NUP88: variants seen among roughly 807,000 people sequenced by gnomAD.
NUP88 encodes the protein nucleoporin 88, also known as nuclear pore complex protein Nup88.
A neutral mutation model predicts 93.9 loss-of-function variants in NUP88; 57 were observed. The observed-to-expected ratio is 0.61, with a 90% CI of 0.49 to 0.76. The LOEUF (loss-of-function observed/expected upper bound fraction) is 0.76, where lower values mean the gene tolerates loss of function less well. Ranked by LOEUF, NUP88 falls within the 30% of genes least tolerant of loss-of-function variation. The probability of loss-of-function intolerance (pLI) is 0.00; values close to 1 mark genes in which losing one functional copy is unlikely to be tolerated. For synonymous variants in NUP88, 346 were observed against 336.8 expected (o/e 1.03, Z -0.30); for missense variants, 911 against 901.0 (o/e 1.01, Z -0.14).
rs557103467 is a variant in NUP88, at chr17:5,388,822, A to G, written c.1623T>C (p.Val541=). The G allele has an allele frequency of 6.2e-7, 1 of 1,613,854 alleles. No individual in the cohort carries two copies. The highest frequency in any genetic ancestry group is 8.5e-7 in the Non-Finnish European group (1 of 1,179,932). The change falls in exon 11 of 17, where the codon GTT becomes GTC. Residue 541 remains valine, a synonymous_variant. Transcript: ENST00000573584. ...KHIRSILQRS[V]ANPAFLKASE... is the part of the protein sequence containing the mutation. ...CATACTTCAAAAATGCTGGATTGGC[A>G]ACACTACGTTGCAAAATGCTTCTAA...
intron 10 of NUP88, 95 bp from the exon 11 acceptor site, chr17:5,389,055 T>C (rs1912242218): frequency 3.3e-6 from 3 of 922,026 alleles, no homozygotes; most frequent in African/African-American, 3.4e-5. Context: ...TTTCAGAATA[T>C]AAAATAAAGT....
At position 5,387,903 on chromosome 17, in the gene NUP88, C is replaced by T; in HGVS notation, c.1645G>A (p.Ala549Thr). 6.2e-7 allele frequency: 1 copy of T among 1,611,670 alleles called. No homozygotes were observed. The highest frequency in any genetic ancestry group is 8.5e-7 in the Non-Finnish European group (1 of 1,179,086). ...GGAGGGGCTATGTCCTTTTCAGAAG[C>T]TCTTAAAAACAAAGTTTCTACCTTT... ...RSVANPAFLK[A>T]SEKDIAPPPE... Residue 549 changes from alanine (A) to threonine (T), a missense_variant and splice_region_variant, in exon 12 of 17, where the codon GCT (alanine) becomes ACT (threonine). Ala to Thr is a moderately conservative substitution (Grantham distance 58). Coordinates refer to ENST00000573584, the MANE Select transcript of NUP88 (RefSeq NM_002532.6).
At chr17:5,418,891 G>C (rs1914384071) in intron 1 of NUP88, among the ~76,000 whole-genome samples, 1 of 152,122 alleles carries the variant, frequency 6.6e-6, no homozygotes, top group Non-Finnish European at 1.5e-5. Context: ...TTTCTAAAGC[G>C]GGCGTTACGG....
chr17:5,387,195 T>G (rs1250654126), intron 14 of NUP88, 85 bp from the exon 15 acceptor site: 7 of 1,497,364 alleles, frequency 4.7e-6, no homozygotes, highest in Non-Finnish European at 6.4e-6. Context: ...TTCATGAATC[T>G]GGTGTTTCTG....
chr17:5,398,440 C>A (rs1344638909), intron 8 of NUP88, among the ~76,000 whole-genome samples: 2 of 151,978 alleles, frequency 1.3e-5, no homozygotes, highest in Admixed American at 1.3e-4. Context: ...AGGCGCACAC[C>A]ACCATGCCTG....
rs1172041060 is a variant in NUP88 at position 5,385,204 on chromosome 17, GAAAC to G, written c.*998_*1001del. ...TTGTTTAGCAATGTGTTTCTGGTAT[GAAAC>G]AAACTACTGTGTCACTGTCCAGGTA... is the stretch of plus-strand genomic sequence containing the variant. On this transcript the variant is annotated 3_prime_UTR_variant, in exon 17 of 17. Transcript: ENST00000573584. 1.3e-5 allele frequency: 3 copies of G among 230,014 alleles called. No homozygotes were observed. Among genetic ancestry groups the G allele is most frequent in the Admixed American group, 5.7e-5 (1 of 17,690 alleles). 14.2% of individuals were successfully genotyped at this position (230,014 alleles called of 1,614,324 possible).
In NUP88 at chr17:5,400,674, T is replaced by C. The variant is rs1275520071; in HGVS notation, c.1193-1024A>G. Among the ~76,000 whole-genome samples, 5 of 152,216 alleles carry C rather than the reference T, an allele frequency of 3.3e-5. No individual in the cohort carries two copies. The East Asian group carries it at 9.6e-4, about 29-fold the overall frequency. On this transcript the variant is annotated intron_variant, in intron 7 of 16. Coordinates refer to ENST00000573584, the MANE Select transcript of NUP88 (RefSeq NM_002532.6). The stretch of plus-strand genomic sequence containing the variant: ...AAATAGCAGCTCTGTAGAAAACCTA[T>C]GCTTATGCTTGCATACATCGACTTA...
chr17:5,387,306 A>C, intron 14 of NUP88, 80 bp downstream of exon 14: 1 of 1,337,200 alleles, frequency 7.5e-7, no homozygotes, highest in South Asian at 1.2e-5. Context: ...GTAGGTATGT[A>C]AGCACCTGCC....
chr17:5,391,217 G>A (rs909521434), intron 10 of NUP88, among the ~76,000 whole-genome samples: 2 of 152,142 alleles, frequency 1.3e-5, no homozygotes, highest in South Asian at 2.1e-4. Flanking sequence ...GAGGCAGTGC[G>A]GGTACGTGGC....
At chr17:5,413,333 G>A (rs893579882) in intron 3 of NUP88, among the ~76,000 whole-genome samples, 1 of 152,246 alleles carries the variant, frequency 6.6e-6, no homozygotes, top group African/African-American at 2.4e-5. Context: ...AAGCTATGGG[G>A]ATCTGTATAA....
At position 5,400,139 on chromosome 17, in the gene NUP88, T is replaced by TAAAAAAAAAAAAAAA. The variant is rs199804588; in HGVS notation, c.1193-490_1193-489insTTTTTTTTTTTTTTT. ...GCAGGGTTGCCACATCTTTCATTTG[T>TAAAAAAAAAAAAAAA]TAAAAAAAAAAAAAAAAAGCACTGT... On this transcript the variant is annotated intron_variant, in intron 7 of 16. Transcript: ENST00000573584. Among the ~76,000 whole-genome samples, 292 of 111,550 alleles carry TAAAAAAAAAAAAAAA rather than the reference T, an allele frequency of 2.6e-3. 25 individuals are homozygous for TAAAAAAAAAAAAAAA. Among genetic ancestry groups the TAAAAAAAAAAAAAAA allele is most frequent in the Middle Eastern group, 5.3e-3 (1 of 190 alleles). The allele number at this position is 111,550 out of a possible 152,430, so 73.2% of individuals were successfully genotyped here.
At chr17:5,407,028 C>T (rs529840922) in intron 5 of NUP88, among the ~76,000 whole-genome samples, 2 of 152,212 alleles carry the variant, frequency 1.3e-5, no homozygotes, top group Non-Finnish European at 2.9e-5. Flanking sequence ...GAGGGCTCAG[C>T]AGCAAGAGGA....
At chr17:5,390,119 C>T (rs1015926676) in intron 10 of NUP88, among the ~76,000 whole-genome samples, 3 of 148,816 alleles carry the variant, frequency 2.0e-5, no homozygotes, top group Non-Finnish European at 4.4e-5. Flanking sequence ...GAGCTGAGAT[C>T]GTGCCACTGC....
At chr17:5,400,611 G>A (rs1256988955) in intron 7 of NUP88, among the ~76,000 whole-genome samples, 1 of 151,736 alleles carries the variant, frequency 6.6e-6, no homozygotes, top group African/African-American at 2.4e-5. Context: ...GCTTTTCTCT[G>A]TGCATTTATT....
rs906587532 is a variant in NUP88 at position 5,387,414 on chromosome 17, T to C, written c.1888A>G (p.Lys630Glu). ...ERLADKYEEA[K>E]EKQEDIMNRM... ...TTCATGATATCCTCTTGTTTTTCTT[T>C]AGCTTCCTCATATTTGTCAGCTAAA... Residue 630 changes from lysine to glutamate, a missense_variant, in exon 14 of 17, where the codon AAA becomes GAA. Physicochemically the swap from Lys to Glu is moderately conservative, Grantham distance 56. Transcript: ENST00000573584. 5.0e-6 allele frequency: 8 copies of C among 1,614,054 alleles called. No homozygotes were observed. In the African/African-American group the frequency reaches 1.1e-4, roughly 22 times the overall value.
intron 8 of NUP88, among the ~76,000 whole-genome samples, chr17:5,396,287 G>C (rs1912770905): frequency 6.6e-6 from 1 of 152,146 alleles, no homozygotes; most frequent in South Asian, 2.1e-4. Context: ...ATAACCATTA[G>C]CAATCACTCC....
At chr17:5,406,105 G>C (rs1913472890) in intron 5 of NUP88, among the ~76,000 whole-genome samples, 1 of 152,138 alleles carries the variant, frequency 6.6e-6, no homozygotes, top group Non-Finnish European at 1.5e-5. Context: ...TGATGAGGCA[G>C]ACATTTAACC....
intron 11 of NUP88, 120 bp from the exon 12 acceptor site, chr17:5,388,024 G>A (rs1277067150): frequency 1.7e-5 from 18 of 1,032,112 alleles, no homozygotes; most frequent in Non-Finnish European, 2.3e-5. Flanking sequence ...TATTTGAGAT[G>A]CAGTCTCGCT....
intron 14 of NUP88, 77 bp downstream of exon 14, chr17:5,387,309 C>T: frequency 1.5e-6 from 2 of 1,349,984 alleles, no homozygotes. Context: ...GGTATGTAAG[C>T]ACCTGCCAAT....
Sources: gnomAD v4.1 joint callset for allele counts (sites outside exome capture counted in the v4.1 genomes callset) on GRCh38, gnomAD v4.1.1 for gene constraint, MANE v1.5 for transcripts, NCBI Gene and HGNC (gene_info 2026-07-23, HGNC 2026-07-21) for gene names.